Variants in SASH1 observed in about 807,000 individuals in gnomAD.
SASH1 encodes SAM and SH3 domain-containing protein 1.
Under a neutral mutation model 125.2 loss-of-function variants are expected in SASH1, and 44 were observed. The ratio of observed to expected loss-of-function variants is 0.35; its 90% CI spans 0.28 to 0.45. SASH1 has a LOEUF of 0.45. SASH1 is among the 20% of genes least tolerant of loss of function. SASH1 has a pLI of 1.00. For missense variants in SASH1, 1,426 were observed against 1,614.5 expected, an observed-to-expected ratio of 0.88 and a Z score of 2.00; for synonymous variants, 639 against 649.1, an observed-to-expected ratio of 0.98 and a Z score of 0.24.
intron 2 of SASH1, among the ~76,000 whole-genome samples, chr6:148,411,610 A>G (rs1209857165): frequency 6.6e-6 from 1 of 152,050 alleles, no homozygotes; most frequent in Non-Finnish European, 1.5e-5. Context: ...ATGGTGTGAT[A>G]CTGGCTCACT....
At chr6:148,475,237 A>G (rs901742803) in intron 7 of SASH1, among the ~76,000 whole-genome samples, 7 of 152,220 alleles carry the variant, frequency 4.6e-5, no homozygotes, top group Admixed American at 2.0e-4. Context: ...GAACCATTGA[A>G]TGAGTTAAGA....
upstream of SASH1, among the ~76,000 whole-genome samples, chr6:148,270,383 T>A (rs5880768): frequency 5.9e-4 from 5 of 8,426 alleles, no homozygotes; most frequent in South Asian, 5.6e-3. Context: ...TATTTTAAAA[T>A]TTTTTTTTGT....
intron 1 of SASH1, among the ~76,000 whole-genome samples, chr6:148,386,381 G>C (rs972746493): frequency 6.6e-6 from 1 of 152,178 alleles, no homozygotes. Flanking sequence ...AGTCCAAGAC[G>C]ACGGTTGGTT....
chr6:148,199,722 A>G, the SASH1 span, among the ~76,000 whole-genome samples: 1 of 151,498 alleles, frequency 6.6e-6, no homozygotes, highest in East Asian at 1.9e-4. Context: ...GAAAGAAAGG[A>G]AGGGAGAGTG....
At chr6:148,352,123 G>A (rs1781751195) in intron 1 of SASH1, among the ~76,000 whole-genome samples, 1 of 152,190 alleles carries the variant, frequency 6.6e-6, no homozygotes, top group Non-Finnish European at 1.5e-5. Context: ...AGGTAGAATA[G>A]TAAAGTAGTT....
chr6:148,213,032 C>T, the SASH1 span, among the ~76,000 whole-genome samples: 1 of 152,178 alleles, frequency 6.6e-6, no homozygotes, highest in East Asian at 1.9e-4. Flanking sequence ...TCTCCTGCCC[C>T]TGCCTGTGAC....
intron 2 of SASH1, among the ~76,000 whole-genome samples, chr6:148,390,881 C>T (rs1264126315): frequency 6.6e-6 from 1 of 151,932 alleles, no homozygotes; most frequent in Non-Finnish European, 1.5e-5. Flanking sequence ...TTTTTATTGA[C>T]TCTAAGCCCA....
intron 1 of SASH1, among the ~76,000 whole-genome samples, chr6:148,345,896 T>C (rs1209508229): frequency 6.6e-6 from 1 of 152,174 alleles, no homozygotes; most frequent in East Asian, 1.9e-4. Flanking sequence ...TCAGTAGAAA[T>C]GTAGTTCAGT....
At chr6:148,334,157 G>A in intron 1 of SASH1, among the ~76,000 whole-genome samples, 1 of 138,590 alleles carries the variant, frequency 7.2e-6, no homozygotes, top group South Asian at 2.4e-4. Flanking sequence ...GGCGCGGCTG[G>A]CTCACGCTTG....
intron 2 of SASH1, among the ~76,000 whole-genome samples, chr6:148,426,300 C>T (rs986382884): frequency 1.4e-4 from 21 of 152,122 alleles, no homozygotes; most frequent in Non-Finnish European, 2.9e-5. Context: ...AGTGCGCTCT[C>T]ATTGTCAGGG....
chr6:148,281,921 CA>C (rs59183034), intron 1 of SASH1, among the ~76,000 whole-genome samples: 120,832 of 136,948 alleles, frequency 0.88, 52,942 homozygotes, highest in East Asian at 0.97. Flanking sequence ...GACTCCGTCT[CA>C]AAAAAAAAAA....
At chr6:148,501,109 C>T (rs1478792992) in intron 8 of SASH1, among the ~76,000 whole-genome samples, 1 of 151,768 alleles carries the variant, frequency 6.6e-6, no homozygotes, top group Non-Finnish European at 1.5e-5. Flanking sequence ...GACCACTGAC[C>T]TGGTGGCATA....
In SASH1 at chr6:148,390,272, G is replaced by T; in HGVS notation, c.285+10G>T. 14 of 1,609,442 alleles carry T rather than the reference G, an allele frequency of 8.7e-6. No individual in the cohort carries two copies. Among genetic ancestry groups the T allele is most frequent in the East Asian group, 2.2e-5 (1 of 44,790 alleles). On this transcript the variant is annotated intron_variant, in intron 2 of 19. Coordinates refer to ENST00000367467, the MANE Select transcript of SASH1 (RefSeq NM_015278.5). Reference sequence around the variant, plus strand: ...CCAGGACCTGGAAGTGGTGAGTGGGGGTCCTGGGAATATGCTTCTGTGAGC... The same window carrying T: ...CCAGGACCTGGAAGTGGTGAGTGGGTGTCCTGGGAATATGCTTCTGTGAGC...
chr6:148,210,646 G>A, the SASH1 span, among the ~76,000 whole-genome samples: 1 of 152,204 alleles, frequency 6.6e-6, no homozygotes, highest in Non-Finnish European at 1.5e-5. Flanking sequence ...ATACAGAGCT[G>A]CTTGAATGGC....
intron 1 of SASH1, among the ~76,000 whole-genome samples, chr6:148,358,880 C>T (rs9498013): frequency 0.042 from 6,360 of 151,778 alleles, 463 homozygotes; most frequent in African/African-American, 0.15. Context: ...GGACTACAAG[C>T]ACCCATCACC....
intron 1 of SASH1, among the ~76,000 whole-genome samples, chr6:148,308,644 C>T (rs1582946804): frequency 1.3e-5 from 2 of 151,326 alleles, no homozygotes; most frequent in East Asian, 2.0e-4. Flanking sequence ...GATCCACCCA[C>T]CTCGGCCTCC....
At chr6:148,419,387 G>C (rs916585519) in intron 2 of SASH1, among the ~76,000 whole-genome samples, 1 of 152,174 alleles carries the variant, frequency 6.6e-6, no homozygotes, top group Non-Finnish European at 1.5e-5. Flanking sequence ...TTGTTTTAGG[G>C]CATGACAGAG....
At chr6:148,386,627 T>C (rs1783380384) in intron 1 of SASH1, among the ~76,000 whole-genome samples, 1 of 152,190 alleles carries the variant, frequency 6.6e-6, no homozygotes, top group Non-Finnish European at 1.5e-5. Context: ...CAGGTGTGTT[T>C]TGTTTCCTGG....
intron 8 of SASH1, among the ~76,000 whole-genome samples, chr6:148,499,154 G>A (rs979664773): frequency 1.3e-5 from 2 of 149,148 alleles, no homozygotes; most frequent in Admixed American, 6.8e-5. Context: ...TTCTTAGAAC[G>A]ATAGTCAGTC....
Sources: gnomAD v4.1 joint callset for allele counts (sites outside exome capture counted in the v4.1 genomes callset) on GRCh38, gnomAD v4.1.1 for gene constraint, MANE v1.5 for transcripts, NCBI Gene and HGNC (gene_info 2026-07-23, HGNC 2026-07-21) for gene names.